The following DCAF8L2 variants were observed in gnomAD, a reference collection of about 807,000 sequenced individuals.
The protein encoded by DCAF8L2 is DDB1 and CUL4 associated factor 8 like 2.
For synonymous variants in DCAF8L2, 200 were observed against 190.9 expected (o/e 1.05, Z -0.39); for missense variants, 430 against 490.7 (o/e 0.88, Z 1.17).
chrX:27,734,180 A>G (rs952461940), intron 4 of DCAF8L2, among the ~76,000 whole-genome samples: 1 of 103,853 alleles, frequency 9.6e-6, no homozygotes, highest in African/African-American at 3.7e-5. Context: ...TGAAAGCACG[A>G]GCAAGGGCAA....
chrX:27,549,194 CTATTT>C, the DCAF8L2 span, among the ~76,000 whole-genome samples: 1 of 111,261 alleles, frequency 9.0e-6, no homozygotes, highest in African/African-American at 3.3e-5. Context: ...TTATTTTATT[CTATTT>C]TAATTATGAA....
Position 27,748,113 on chromosome X carries a change from C to A in DCAF8L2, c.1218C>A (p.Gly406=). Residue 406 remains glycine, a synonymous_variant, in exon 5 of 5, where the codon GGC becomes GGA. Coordinates refer to ENST00000451261, the MANE Select transcript of DCAF8L2 (RefSeq NM_001353450.2). ...QRKIDKKENN[G]VLKKFTPHHL... ...AAATTGATAAGAAAGAAAACAATGG[C>A]GTGCTCAAGAAATTCACTCCTCATC... The A allele has an allele frequency of 8.3e-7, 1 of 1,211,441 alleles. No homozygotes were observed. The highest frequency in any genetic ancestry group is 1.1e-6 in the Non-Finnish European group (1 of 895,228).
At chrX:27,472,044 T>C in the DCAF8L2 span, among the ~76,000 whole-genome samples, 1 of 112,029 alleles carries the variant, frequency 8.9e-6, no homozygotes, top group Non-Finnish European at 1.9e-5. Context: ...CTTGTCTGAA[T>C]TTCCACAGTG....
chrX:27,585,678 C>A (rs1925891087), upstream of DCAF8L2, among the ~76,000 whole-genome samples: 1 of 112,042 alleles, frequency 8.9e-6, no homozygotes, highest in Admixed American at 9.5e-5. Context: ...CCTTCTCTGC[C>A]AAATCTAGTA....
chrX:27,708,772 A>G (rs1931425583), intron 3 of DCAF8L2, among the ~76,000 whole-genome samples: 1 of 112,175 alleles, frequency 8.9e-6, no homozygotes, highest in African/African-American at 3.2e-5. Context: ...AAACACTGCT[A>G]TCTCTGCTAT....
Position 27,748,749 on chromosome X carries a change from TGA to T in DCAF8L2, c.1856_1857del (p.Glu619GlyfsTer25). 8.3e-7 allele frequency: 1 copy of T among 1,205,805 alleles called. No homozygotes were observed. The highest frequency in any genetic ancestry group is 1.1e-6 in the Non-Finnish European group (1 of 892,256). On this transcript the variant is annotated frameshift_variant, in exon 5 of 5. Coordinates refer to ENST00000451261, the MANE Select transcript of DCAF8L2 (RefSeq NM_001353450.2). LOFTEE classifies it low-confidence loss of function (END_TRUNC). ...AGTCTTCCAGCACTTCAGAGACATC[TGA>T]GGAGGAGGTCCAAGACCGAGTGCAG... ...DESSSTSETS[E>X]EEVQDRVQCM... is the part of the protein sequence containing the mutation.
intron 3 of DCAF8L2, among the ~76,000 whole-genome samples, chrX:27,710,832 G>T (rs188221826): frequency 8.9e-6 from 1 of 112,189 alleles, no homozygotes; most frequent in Admixed American, 9.4e-5. Context: ...TAGAAGAAAA[G>T]ATTTACTCTT....
the DCAF8L2 span, among the ~76,000 whole-genome samples, chrX:27,520,476 T>G: frequency 8.9e-6 from 1 of 112,046 alleles, no homozygotes; most frequent in Admixed American, 9.5e-5. Context: ...TTTTGAAAGT[T>G]TCATAAATGG....
In DCAF8L2 at chrX:27,656,618, G is replaced by A. The variant is rs1436874626; in HGVS notation, c.-219-21218G>A. On this transcript the variant is annotated intron_variant, in intron 2 of 4. Transcript: ENST00000451261. ...TTCTTTTTCAGTCTGTGGGAGCTAGGGTGGCCCTATTTCTCACTGCAGGTA... is the reference window on the plus strand; with the variant it reads ...TTCTTTTTCAGTCTGTGGGAGCTAGAGTGGCCCTATTTCTCACTGCAGGTA... Among the ~76,000 whole-genome samples the A allele has an allele frequency of 4.5e-5, 5 of 111,521 alleles. No individual in the cohort carries two copies. The Admixed American group carries it at 4.8e-4, about 11-fold the overall frequency.
At chrX:27,638,045 C>T (rs974021317) in intron 2 of DCAF8L2, among the ~76,000 whole-genome samples, 2 of 111,415 alleles carry the variant, frequency 1.8e-5, no homozygotes, top group African/African-American at 6.5e-5. Context: ...ATTTCAACAC[C>T]ATGAAGGAGA....
intron 3 of DCAF8L2, among the ~76,000 whole-genome samples, chrX:27,708,461 G>T (rs781707011): frequency 2.7e-5 from 3 of 111,865 alleles, no homozygotes; most frequent in East Asian, 5.6e-4. Flanking sequence ...AGTCATGCCT[G>T]GTTAGTTCTT....
At chrX:27,518,205 T>C in the DCAF8L2 span, 7 of 897,754 alleles carry the variant, frequency 7.8e-6, no homozygotes, top group East Asian at 2.2e-4. Flanking sequence ...CTTCCTATGC[T>C]GTCCAAGCCA....
the DCAF8L2 span, among the ~76,000 whole-genome samples, chrX:27,479,403 G>A: frequency 9.0e-6 from 1 of 111,219 alleles, no homozygotes; most frequent in East Asian, 2.8e-4. Context: ...TGATCCACAG[G>A]TACTTTGAGC....
intron 3 of DCAF8L2, among the ~76,000 whole-genome samples, chrX:27,694,479 G>T (rs183829304): frequency 9.1e-6 from 1 of 110,042 alleles, no homozygotes; most frequent in African/African-American, 3.3e-5. Context: ...TGATCTTGTT[G>T]GTAGGTAATT....
At chrX:27,704,212 ACGCGCG>A in intron 3 of DCAF8L2, among the ~76,000 whole-genome samples, 1 of 99,073 alleles carries the variant, frequency 1.0e-5, no homozygotes, top group African/African-American at 4.0e-5. Context: ...ACATGTACAC[ACGCGCG>A]CACATGTGCG....
At chrX:27,609,156 A>G (rs368143033) in intron 1 of DCAF8L2, among the ~76,000 whole-genome samples, 2 of 111,641 alleles carry the variant, frequency 1.8e-5, no homozygotes, top group South Asian at 3.7e-4. Context: ...CCTTATCTCT[A>G]TTTTACAGAT....
At chrX:27,502,837 C>T in the DCAF8L2 span, among the ~76,000 whole-genome samples, 2 of 111,186 alleles carry the variant, frequency 1.8e-5, no homozygotes, top group African/African-American at 3.3e-5. Context: ...GGAAATAACT[C>T]GGAAATATAG....
At chrX:27,549,041 A>G in the DCAF8L2 span, among the ~76,000 whole-genome samples, 10,725 of 111,810 alleles carry the variant, frequency 0.096, 408 homozygotes, top group Non-Finnish European at 0.12. Flanking sequence ...CATTTGCAGT[A>G]TAGAAAGTGT....
chrX:27,640,452 G>C (rs1928671189), intron 2 of DCAF8L2, among the ~76,000 whole-genome samples: 1 of 111,899 alleles, frequency 8.9e-6, no homozygotes, highest in Admixed American at 9.5e-5. Context: ...TTGTATTGCT[G>C]AGCAGCATTT....
Sources: allele counts gnomAD v4.1 joint callset (sites outside exome capture counted in the v4.1 genomes callset), GRCh38; gene constraint gnomAD v4.1.1; transcripts MANE v1.5; gene names NCBI Gene and HGNC (gene_info 2026-07-23, HGNC 2026-07-21).